IGF2: variants seen among roughly 807,000 people sequenced by gnomAD.
The protein encoded by IGF2 is insulin-like growth factor 2.
A neutral mutation model predicts 12.0 loss-of-function variants in IGF2; 2 were observed. That is an observed-to-expected ratio of 0.17 (90% confidence interval 0.07 to 0.52). The LOEUF is 0.52. Among genes scored for constraint, IGF2 ranks in the 20% least tolerant of loss-of-function variants. IGF2 has a pLI of 0.95. For synonymous variants in IGF2, 105 were observed against 110.1 expected (o/e 0.95, Z 0.29); for missense variants, 211 against 268.0 (o/e 0.79, Z 1.48).
chr11:2,149,505 C>T, the IGF2 span: 3 of 695,572 alleles, frequency 4.3e-6, no homozygotes, highest in South Asian at 3.7e-5. Context: ...CCCTGAGCCC[C>T]TCCGAATTTG....
chr11:2,135,392 G>A lies in IGF2; in HGVS notation c.132C>T (p.Val44=), dbSNP rs757757921. The change falls in exon 2 of 4, where the codon GTC becomes GTT. Residue 44 remains valine (V), a synonymous_variant. Coordinates refer to ENST00000416167, the MANE Select transcript of IGF2 (RefSeq NM_000612.6). ...GGELVDTLQF[V]CGDRGFYFSR... is the part of the protein sequence containing the mutation. ...TGAAGTAGAAGCCGCGGTCCCCACA[G>A]ACGAACTGGAGGGTGTCCACCAGCT... The A allele has an allele frequency of 6.2e-7, 1 of 1,613,410 alleles. No homozygotes were observed.
In IGF2 at chr11:2,133,796, A is replaced by C; in HGVS notation, c.158-131T>G. On this transcript the variant is annotated intron_variant, in intron 2 of 3. Transcript: ENST00000416167. The surrounding 1 kb of genome is among the most constrained non-coding windows in gnomAD (Gnocchi z 8.9). ...GAAGGACGCAGCCACCCTGCGGGTC[A>C]GGGGAGGGAAGTGAGAGCTGGCAGG... The C allele has an allele frequency of 3.6e-6, 4 of 1,097,716 alleles. No individual in the cohort carries two copies. The highest frequency in any genetic ancestry group is 5.2e-6 in the Non-Finnish European group (4 of 770,658). The allele number at this position is 1,097,716 out of a possible 1,614,324, so 68.0% of individuals were successfully genotyped here.
At chr11:2,135,603 C>T in intron 1 of IGF2, 74 bp from the exon 2 acceptor site, 1 of 1,364,858 alleles carries the variant, frequency 7.3e-7, no homozygotes, top group Admixed American at 2.3e-5. Flanking sequence ...CCTCCCAAAC[C>T]AAATTTGCCA....
At chr11:2,144,088 ATT>A (rs5789244), upstream of IGF2, among the ~76,000 whole-genome samples, 15 of 150,648 alleles carry the variant, frequency 1.0e-4, no homozygotes, top group Admixed American at 4.0e-4. Context: ...TTTTGCTTTT[ATT>A]TTTTTTTTTC....
At chr11:2,137,878 C>G (rs1034168248) in intron 1 of IGF2, among the ~76,000 whole-genome samples, 3 of 152,318 alleles carry the variant, frequency 2.0e-5, no homozygotes, top group African/African-American at 7.2e-5. Context: ...CCCAGCACCC[C>G]GGAGGCCAGG....
upstream of IGF2, among the ~76,000 whole-genome samples, chr11:2,141,804 G>A (rs1374510021): frequency 6.6e-6 from 1 of 152,050 alleles, no homozygotes; most frequent in Non-Finnish European, 1.5e-5. Flanking sequence ...AGCCTGGAGT[G>A]TGATCAGTAC....
Position 2,132,795 on chromosome 11 carries a change from T to A in IGF2, c.*192A>T, listed in dbSNP as rs1858700357. 1.8e-6 allele frequency: 1 copy of A among 543,364 alleles called. No homozygotes were observed. The highest frequency in any genetic ancestry group is 1.9e-5 in the African/African-American group (1 of 51,878). The allele number at this position is 543,364 out of a possible 1,614,324, so 33.7% of individuals were successfully genotyped here. ...ACATGTTTGAAGATGCTGCTGTGCT[T>A]CCTCAGCCCGATGGAGGGGGCCGAG... On this transcript the variant is annotated 3_prime_UTR_variant, in exon 4 of 4. Coordinates refer to ENST00000416167, the MANE Select transcript of IGF2 (RefSeq NM_000612.6).
chr11:2,138,392 G>C lies in IGF2; in HGVS notation c.-170C>G, dbSNP rs988506493. On this transcript the variant is annotated 5_prime_UTR_variant, in exon 1 of 4. Coordinates refer to ENST00000416167, the MANE Select transcript of IGF2 (RefSeq NM_000612.6). ...AGCGGGGGGATGGCTTTTTTTTGGG[G>C]GGGGGGGGAGAATTCGTCTGATTGT... The C allele has an allele frequency of 5.0e-5, 27 of 545,144 alleles. No homozygotes were observed. The highest frequency in any genetic ancestry group is 1.6e-4 in the South Asian group (2 of 12,258). The allele number at this position is 545,144 out of a possible 1,614,324, so 33.8% of individuals were successfully genotyped here.
At chr11:2,146,301 A>G in the IGF2 span, 1 of 536,112 alleles carries the variant, frequency 1.9e-6, no homozygotes, top group Admixed American at 1.9e-5. Flanking sequence ...GCATTTTACA[A>G]ACCCAGCTCC....
rs1307364762 is a variant in IGF2, at chr11:2,133,401, G to A, written c.306+116C>T. On this transcript the variant is annotated intron_variant, in intron 3 of 3. Coordinates refer to ENST00000416167, the MANE Select transcript of IGF2 (RefSeq NM_000612.6). The surrounding 1 kb of genome is among the most constrained non-coding windows in gnomAD (Gnocchi z 8.9). ...GCTCCCGGGCCACACAGCAAGCAAGGAAGTCACGGGTCCTTGTCCCTGGCC... is the reference window on the plus strand; with the variant it reads ...GCTCCCGGGCCACACAGCAAGCAAGAAAGTCACGGGTCCTTGTCCCTGGCC... 1.7e-5 allele frequency: 21 copies of A among 1,220,886 alleles called. 1 individual carries two copies. In the South Asian group the frequency reaches 3.3e-4, roughly 19 times the overall value. 75.6% of individuals were successfully genotyped at this position (1,220,886 alleles called of 1,614,324 possible). A position where few individuals can be genotyped will look rare whatever the true frequency, so the allele number is the denominator to read the frequency against.
At position 2,133,681 on chromosome 11, in the gene IGF2, C is replaced by A. The variant is rs1257067633; in HGVS notation, c.158-16G>T. 6.2e-7 allele frequency: 1 copy of A among 1,612,582 alleles called. No homozygotes were observed. Among genetic ancestry groups the A allele is most frequent in the South Asian group, 1.1e-5 (1 of 91,014 alleles). ...GCGGGCCTGCCTGGAAGTCCCACAG[C>A]ACAGAGAGAGCCGTGTTAGCACCGC... On this transcript the variant is annotated splice_polypyrimidine_tract_variant and intron_variant, in intron 2 of 3. Transcript: ENST00000416167. The surrounding 1 kb of genome is among the most constrained non-coding windows in gnomAD (Gnocchi z 8.9).
rs1858723072 is a variant in IGF2, at chr11:2,133,042, G to A, written c.488C>T (p.Thr163Ile). ...GGCGCCCCCGTGGGCGGGGTCTTGGGTGGGTAGAGCAATCAGGGGACGGTG... is the reference window on the plus strand; with the variant it reads ...GGCGCCCCCGTGGGCGGGGTCTTGGATGGGTAGAGCAATCAGGGGACGGTG... ...KRHRPLIALP[T>I]QDPAHGGAPP... The change falls in exon 4 of 4, where the codon ACC becomes ATC. Residue 163 changes from threonine to isoleucine, a missense_variant. Physicochemically the swap from Thr to Ile is moderately conservative, Grantham distance 89 (BLOSUM62 -1). This residue lies in a region of IGF2 where 141 missense variants were observed against 153.1 expected (regional missense o/e 0.92). Coordinates refer to ENST00000416167, the MANE Select transcript of IGF2 (RefSeq NM_000612.6). This position sits in a 1 kb window ranked among gnomAD's most constrained non-coding sequence, Gnocchi z 8.9. The A allele has an allele frequency of 2.5e-6, 4 of 1,593,698 alleles. No individual in the cohort carries two copies. The highest frequency in any genetic ancestry group is 3.4e-6 in the Non-Finnish European group (4 of 1,168,394).
At position 2,135,481 on chromosome 11, in the gene IGF2, A is replaced by T; in HGVS notation, c.43T>A (p.Phe15Ile). The T allele has an allele frequency of 6.2e-7, 1 of 1,613,780 alleles. No individual in the cohort carries two copies. The highest frequency in any genetic ancestry group is 8.5e-7 in the Non-Finnish European group (1 of 1,179,944). ...MGKSMLVLLT[F>I]LAFASCCIAA... The stretch of plus-strand genomic sequence containing the variant: ...ATGCAGCACGAGGCGAAGGCCAAGA[A>T]GGTGAGAAGCACCAGCATCGACTTC... The change falls in exon 2 of 4, where the codon TTC becomes ATC. Residue 15 changes from phenylalanine (F) to isoleucine (I), a missense_variant. Physicochemically the swap from Phe to Ile is conservative, Grantham distance 21. Transcript: ENST00000416167.
At chr11:2,147,542 C>T in the IGF2 span, 6 of 1,040,688 alleles carry the variant, frequency 5.8e-6, no homozygotes, top group African/African-American at 6.6e-5. This position sits in a 1 kb window ranked among gnomAD's most constrained non-coding sequence, Gnocchi z 7.2. Flanking sequence ...CTCTGCCAGG[C>T]CTCAGGGTGC....
chr11:2,135,048 C>T (rs955950096), intron 2 of IGF2, among the ~76,000 whole-genome samples: 4 of 152,222 alleles, frequency 2.6e-5, no homozygotes, highest in African/African-American at 4.8e-5. Context: ...CTGCACTAGG[C>T]GTGCGGTGCC....
rs763681027 is a variant in IGF2, at chr11:2,133,035, G to C, written c.495C>G (p.Asp165Glu). 3.8e-6 allele frequency: 6 copies of C among 1,585,230 alleles called. No individual in the cohort carries two copies. In the Admixed American group the frequency reaches 1.1e-4, roughly 28 times the overall value. Residue 165 changes from aspartate to glutamate, a missense_variant, in exon 4 of 4, where the codon GAC becomes GAG. By Grantham distance (45) the Asp-to-Glu change is conservative. Coordinates refer to ENST00000416167, the MANE Select transcript of IGF2 (RefSeq NM_000612.6). The surrounding 1 kb of genome is among the most constrained non-coding windows in gnomAD (Gnocchi z 8.9). The stretch of plus-strand genomic sequence containing the variant: ...CTGGGGGGGCGCCCCCGTGGGCGGG[G>C]TCTTGGGTGGGTAGAGCAATCAGGG... ...HRPLIALPTQ[D>E]PAHGGAPPEM...
chr11:2,147,888 C>A, the IGF2 span: 1 of 1,060,498 alleles, frequency 9.4e-7, no homozygotes. This position sits in a 1 kb window ranked among gnomAD's most constrained non-coding sequence, Gnocchi z 7.2. Context: ...CAAGCCTGAG[C>A]CCTGTCCCAT....
chr11:2,147,748 T>TGGGGCTG, the IGF2 span: 1 of 1,249,130 alleles, frequency 8.0e-7, no homozygotes, highest in Non-Finnish European at 1.0e-6. This position sits in a 1 kb window ranked among gnomAD's most constrained non-coding sequence, Gnocchi z 7.2. Flanking sequence ...TTCAGAGCCC[T>TGGGGCTG]GGGGCTGGGG....
rs942632102 is a variant in IGF2 at position 2,138,423 on chromosome 11, G to C, written c.-201C>G. On this transcript the variant is annotated 5_prime_UTR_variant, in exon 1 of 4. Coordinates refer to ENST00000416167, the MANE Select transcript of IGF2 (RefSeq NM_000612.6). ...GGGAGAATTCGTCTGATTGTCCAGG[G>C]AGGACGGGCTGTCTTCGGGCTGGGG... 3.8e-6 allele frequency: 3 copies of C among 791,022 alleles called. No homozygotes were observed. The highest frequency in any genetic ancestry group is 1.9e-5 in the African/African-American group (1 of 52,684). The allele number at this position is 791,022 out of a possible 1,614,324, so 49.0% of individuals were successfully genotyped here.
Sources: gnomAD v4.1 joint callset for allele counts (sites outside exome capture counted in the v4.1 genomes callset) on GRCh38, gnomAD v4.1.1 for gene constraint, gnomAD v4.1.1 regional missense constraint, Gnocchi (gnomAD v3.1) non-coding constraint, MANE v1.5 for transcripts, NCBI Gene and HGNC (gene_info 2026-07-23, HGNC 2026-07-21) for gene names.